USF2: variants seen among roughly 807,000 people sequenced by gnomAD.
USF2 encodes upstream stimulatory factor 2.
A neutral mutation model predicts 46.9 loss-of-function variants in USF2; 16 were observed. The ratio of observed to expected loss-of-function variants is 0.34; its 90% CI spans 0.23 to 0.52. The LOEUF is 0.52. Among genes scored for constraint, USF2 ranks in the 20% least tolerant of loss-of-function variants. The pLI, the probability that USF2 is intolerant of heterozygous loss-of-function variation, is 0.96. For synonymous variants in USF2, 239 were observed against 194.1 expected (o/e 1.23, Z -1.92); for missense variants, 411 against 474.0 (o/e 0.87, Z 1.23).
At chr19:35,276,538 T>TGGA (rs1161700705) in intron 7 of USF2, among the ~76,000 whole-genome samples, 1 of 152,120 alleles carries the variant, frequency 6.6e-6, no homozygotes, top group Non-Finnish European at 1.5e-5. Flanking sequence ...CCTGGGACTC[T>TGGA]GGAGGAGGAG....
At chr19:35,272,607 C>T (rs1219738468) in intron 7 of USF2, among the ~76,000 whole-genome samples, 1 of 152,120 alleles carries the variant, frequency 6.6e-6, no homozygotes, top group African/African-American at 2.4e-5. Flanking sequence ...GTGTGGCTGT[C>T]TGGGCTCCTG....
intron 7 of USF2, among the ~76,000 whole-genome samples, chr19:35,272,158 A>G (rs1416616942): frequency 3.3e-5 from 5 of 152,110 alleles, no homozygotes; most frequent in African/African-American, 1.2e-4. Context: ...CGTGCATACT[A>G]CGACCAGCCC....
Position 35,279,056 on chromosome 19 carries a change from C to G in USF2, c.933C>G (p.Asn311Lys), listed in dbSNP as rs1265845547. 1 of 1,600,460 alleles carries G rather than the reference C, an allele frequency of 6.2e-7. No homozygotes were observed. Among genetic ancestry groups the G allele is most frequent in the Non-Finnish European group, 8.5e-7 (1 of 1,173,314 alleles). ...FKEAERLQMD[N>K]ELLRQQIEEL... ...AGGCCGAGCGGCTGCAGATGGACAA[C>G]GAGCTCCTGAGGCAGCAGGTGGGTG... The change falls in exon 9 of 10, where the codon AAC (asparagine) becomes AAG (lysine). Residue 311 changes from asparagine to lysine, a missense_variant. Physicochemically the swap from Asn to Lys is moderately conservative, Grantham distance 94. Transcript: ENST00000222305.
chr19:35,271,626 G>C (rs2066158269), intron 7 of USF2, among the ~76,000 whole-genome samples: 1 of 152,234 alleles, frequency 6.6e-6, no homozygotes, highest in South Asian at 2.1e-4. Context: ...GGAGCATCCT[G>C]CCCTTTCCAG....
chr19:35,269,708 C>T lies in USF2; in HGVS notation c.228+9C>T, dbSNP rs749863318. ...AGACAAATGGAGGACAGGTGAGCGG[C>T]GGGCCGCGAGGGCGAACGGGCGGGC... is the stretch of plus-strand genomic sequence containing the variant. On this transcript the variant is annotated intron_variant, in intron 3 of 9. Coordinates refer to ENST00000222305, the MANE Select transcript of USF2 (RefSeq NM_003367.4). The T allele has an allele frequency of 1.8e-5, 9 of 501,740 alleles. No homozygotes were observed. The highest frequency in any genetic ancestry group is 5.6e-6 in the Non-Finnish European group (2 of 355,330). The allele number at this position is 501,740 out of a possible 1,614,324, so 31.1% of individuals were successfully genotyped here. A position where few individuals can be genotyped will look rare whatever the true frequency, so the allele number is the denominator to read the frequency against.
Position 35,279,460 on chromosome 19 carries a change from T to A in USF2, c.*204T>A. On this transcript the variant is annotated 3_prime_UTR_variant, in exon 10 of 10. Coordinates refer to ENST00000222305, the MANE Select transcript of USF2 (RefSeq NM_003367.4). ...CTCCACTTGGAAACGGTATCCTCCC[T>A]GCCCATCCGTCTGTCTGTCGCCCTT... 1 of 570,270 alleles carries A rather than the reference T, an allele frequency of 1.8e-6. No individual in the cohort carries two copies. Among genetic ancestry groups the A allele is most frequent in the Non-Finnish European group, 2.9e-6 (1 of 344,360 alleles). 35.3% of individuals were successfully genotyped at this position (570,270 alleles called of 1,614,324 possible). A position where few individuals can be genotyped will look rare whatever the true frequency, so the allele number is the denominator to read the frequency against.
chr19:35,271,576 G>A (rs1208429667), intron 7 of USF2, among the ~76,000 whole-genome samples: 2 of 152,184 alleles, frequency 1.3e-5, no homozygotes, highest in African/African-American at 2.4e-5. Context: ...ACATCTGAGG[G>A]AGAAACTGCA....
intron 7 of USF2, among the ~76,000 whole-genome samples, chr19:35,273,890 T>C (rs1209355108): frequency 6.6e-6 from 1 of 152,242 alleles, no homozygotes; most frequent in East Asian, 1.9e-4. Context: ...GGTGTATGAC[T>C]TGTGAGGCCC....
At chr19:35,269,417 G>C (rs1011085707) in intron 1 of USF2, 29 bp from the exon 2 acceptor site, 3 of 1,440,448 alleles carry the variant, frequency 2.1e-6, no homozygotes, top group Non-Finnish European at 2.7e-6. Flanking sequence ...GGGCCGCGCT[G>C]ACCCTGCTCC....
chr19:35,276,505 A>G (rs989702383), intron 7 of USF2, among the ~76,000 whole-genome samples: 1 of 152,202 alleles, frequency 6.6e-6, no homozygotes, highest in Non-Finnish European at 1.5e-5. Context: ...CCGCCTGCTA[A>G]TGTCAGGGCC....
At position 35,270,436 on chromosome 19, in the gene USF2, C is replaced by A; in HGVS notation, c.430-11C>A. On this transcript the variant is annotated splice_polypyrimidine_tract_variant and intron_variant, in intron 4 of 9. Coordinates refer to ENST00000222305, the MANE Select transcript of USF2 (RefSeq NM_003367.4). ...AAAGCTAAGGGTAGCCTCTGCCCTC[C>A]TACTCCCCAGGCTGTGATCCAAAAT... 1.2e-6 allele frequency: 2 copies of A among 1,609,868 alleles called. No individual in the cohort carries two copies. Among genetic ancestry groups the A allele is most frequent in the Admixed American group, 1.7e-5 (1 of 59,856 alleles).
rs1272772703 is a variant in USF2, at chr19:35,270,588, C to A, written c.571C>A (p.Gln191Lys). ...CGTACAGACCACAGACCAGAGCTTG[C>A]AGGCTGGAGGTGAGGAGTAGAAGTC... ...VSVQTTDQSL[Q>K]AGGQFYVMMT... The change falls in exon 5 of 10, where the codon CAG becomes AAG. Residue 191 changes from glutamine to lysine, a missense_variant. Transcript: ENST00000222305. 1 of 1,613,518 alleles carries A rather than the reference C, an allele frequency of 6.2e-7. No homozygotes were observed. Among genetic ancestry groups the A allele is most frequent in the Admixed American group, 1.7e-5 (1 of 59,982 alleles).
chr19:35,278,849 C>T (rs1285039487), intron 8 of USF2, 57 bp downstream of exon 8: 22 of 1,610,372 alleles, frequency 1.4e-5, no homozygotes, highest in Non-Finnish European at 1.8e-5. Flanking sequence ...CCCTTGCATG[C>T]AGAAAGTCCA....
chr19:35,277,251 C>G (rs1282284400), intron 7 of USF2: 1 of 152,414 alleles, frequency 6.6e-6, no homozygotes, highest in Non-Finnish European at 1.5e-5. Context: ...GGGCCTGGAC[C>G]GTGCTCCATA....
chr19:35,276,422 T>C (rs975210015), intron 7 of USF2, among the ~76,000 whole-genome samples: 1 of 152,158 alleles, frequency 6.6e-6, no homozygotes. Flanking sequence ...AACGTGGCCT[T>C]GGTCCTAATG....
At chr19:35,271,253 G>C (rs2066152310) in intron 7 of USF2, 112 bp downstream of exon 7, 1 of 1,251,312 alleles carries the variant, frequency 8.0e-7, no homozygotes, top group Admixed American at 2.1e-5. Context: ...GGCCACAAGT[G>C]CTCCAGAGGG....
chr19:35,271,369 G>A (rs1435996361), intron 7 of USF2, among the ~76,000 whole-genome samples: 2 of 152,186 alleles, frequency 1.3e-5, no homozygotes, highest in Non-Finnish European at 2.9e-5. Context: ...TTGTTGACCC[G>A]GCTGGTGATC....
At chr19:35,270,288 T>A (rs2066131788) in intron 4 of USF2, 159 bp from the exon 5 acceptor site, 2 of 1,164,730 alleles carry the variant, frequency 1.7e-6, no homozygotes, top group Non-Finnish European at 2.4e-6. Context: ...CCCGCCATGT[T>A]CCAGGGCTGT....
chr19:35,269,781 G>T, intron 3 of USF2, 22 bp from the exon 4 acceptor site: 1 of 1,488,888 alleles, frequency 6.7e-7, no homozygotes, highest in Non-Finnish European at 8.9e-7. Context: ...CGCCGGCCTC[G>T]CCGCTCTGCC....
Sources: allele counts gnomAD v4.1 joint callset (sites outside exome capture counted in the v4.1 genomes callset), GRCh38; gene constraint gnomAD v4.1.1; transcripts MANE v1.5; gene names NCBI Gene and HGNC (gene_info 2026-07-23, HGNC 2026-07-21).